GRID2: variants seen among roughly 807,000 people sequenced by gnomAD.
The protein encoded by GRID2 is glutamate receptor ionotropic, delta-2.
A neutral mutation model predicts 114.8 loss-of-function variants in GRID2; 33 were observed. The observed-to-expected ratio is 0.29, with a 90% confidence interval of 0.22 to 0.38. The LOEUF (loss-of-function observed/expected upper bound fraction) is 0.38, where lower values mean the gene tolerates loss of function less well. Ranked by LOEUF, GRID2 falls within the 10% of genes least tolerant of loss-of-function variation. GRID2 has a pLI of 1.00. For missense variants in GRID2, 1,184 were observed against 1,257.7 expected (o/e 0.94, Z 0.89); for synonymous variants, 505 against 449.9 (o/e 1.12, Z -1.55).
At chr4:92,404,059 G>A (rs1730919645) in intron 1 of GRID2, among the ~76,000 whole-genome samples, 2 of 152,100 alleles carry the variant, frequency 1.3e-5, no homozygotes, top group South Asian at 2.1e-4. Context: ...AAAACGTGAC[G>A]CAGAGACATG....
rs533698698 is a variant in GRID2, at chr4:93,059,871, A to G, written c.245-25124A>G. Among the ~76,000 whole-genome samples the G allele has an allele frequency of 2.6e-5, 4 of 152,150 alleles. No individual in the cohort carries two copies. The South Asian group carries it at 6.2e-4, about 24-fold the overall frequency. On this transcript the variant is annotated intron_variant, in intron 2 of 15. Transcript: ENST00000282020. Reference sequence around the variant, plus strand: ...AACTATCACCTTATTACTGGATAAAACAAGGTCATTAAATATATAATCCTG... The same window carrying G: ...AACTATCACCTTATTACTGGATAAAGCAAGGTCATTAAATATATAATCCTG...
chr4:93,663,013 G>A (rs2149739923), intron 14 of GRID2, among the ~76,000 whole-genome samples: 1 of 152,262 alleles, frequency 6.6e-6, no homozygotes, highest in Non-Finnish European at 1.5e-5. Flanking sequence ...CAGGTATCAA[G>A]CGAACTCATT....
chr4:93,568,316 T>TGAG (rs973182572), intron 13 of GRID2, among the ~76,000 whole-genome samples: 1 of 152,194 alleles, frequency 6.6e-6, no homozygotes, highest in Non-Finnish European at 1.5e-5. Flanking sequence ...ATTTTCCCCC[T>TGAG]GAGGAGTTCC....
chr4:93,731,686 A>G (rs1266730876), intron 14 of GRID2, among the ~76,000 whole-genome samples: 3 of 152,214 alleles, frequency 2.0e-5, no homozygotes, highest in Non-Finnish European at 4.4e-5. Context: ...TGATGTCACC[A>G]CAGAGCTTGT....
intron 2 of GRID2, among the ~76,000 whole-genome samples, chr4:92,698,861 G>C (rs867500230): frequency 6.6e-6 from 1 of 152,004 alleles, no homozygotes; most frequent in Non-Finnish European, 1.5e-5. Flanking sequence ...TTGTCCCGAC[G>C]CAAAATTGCA....
chr4:92,771,206 C>A (rs76256149), intron 2 of GRID2, among the ~76,000 whole-genome samples: 3,443 of 152,188 alleles, frequency 0.023, 96 homozygotes, highest in East Asian at 0.12. Context: ...TTTTGAGAAA[C>A]CTTCTCCAAA....
chr4:93,171,183 T>C (rs1738784118), intron 4 of GRID2, among the ~76,000 whole-genome samples: 1 of 152,196 alleles, frequency 6.6e-6, no homozygotes, highest in Admixed American at 6.5e-5. Context: ...ACCTTTCTGA[T>C]CTTTTAACAT....
intron 13 of GRID2, among the ~76,000 whole-genome samples, chr4:93,572,366 C>T (rs907474547): frequency 2.3e-4 from 35 of 152,174 alleles, no homozygotes; most frequent in African/African-American, 7.2e-4. Flanking sequence ...GTATTTTGCA[C>T]GATATGCTTT....
At chr4:93,193,210 C>A (rs1327802316) in intron 4 of GRID2, among the ~76,000 whole-genome samples, 4 of 152,082 alleles carry the variant, frequency 2.6e-5, no homozygotes, top group Non-Finnish European at 5.9e-5. Flanking sequence ...ACAAGTAGCT[C>A]CCAGAATTAC....
intron 4 of GRID2, among the ~76,000 whole-genome samples, chr4:93,141,261 T>C (rs1052015128): frequency 1.3e-5 from 2 of 152,212 alleles, no homozygotes; most frequent in Non-Finnish European, 2.9e-5. Context: ...GATTTAAAAT[T>C]ACATATGTAG....
At chr4:92,481,056 C>G (rs1419007113) in intron 1 of GRID2, among the ~76,000 whole-genome samples, 1 of 152,088 alleles carries the variant, frequency 6.6e-6, no homozygotes, top group Non-Finnish European at 1.5e-5. Context: ...GAAATCACCT[C>G]TCAATAGAGT....
chr4:93,177,695 T>C (rs1006760450), intron 4 of GRID2, among the ~76,000 whole-genome samples: 1 of 152,164 alleles, frequency 6.6e-6, no homozygotes, highest in Non-Finnish European at 1.5e-5. Flanking sequence ...AGCAGGTACA[T>C]AGAATCTGTC....
At chr4:93,322,034 A>ATTTGTTTTTT (rs1757275552) in intron 8 of GRID2, among the ~76,000 whole-genome samples, 1 of 148,024 alleles carries the variant, frequency 6.8e-6, no homozygotes, top group Admixed American at 6.7e-5. Flanking sequence ...ATTTTTTCTT[A>ATTTGTTTTTT]TTTCTTTTTT....
intron 14 of GRID2, among the ~76,000 whole-genome samples, chr4:93,708,156 C>A (rs1031838296): frequency 1.1e-4 from 17 of 151,916 alleles, no homozygotes; most frequent in African/African-American, 4.1e-4. Flanking sequence ...AATGTATATT[C>A]TTTAGCCATT....
intron 2 of GRID2, among the ~76,000 whole-genome samples, chr4:92,799,569 G>C (rs573077435): frequency 1.3e-5 from 2 of 151,830 alleles, no homozygotes; most frequent in Non-Finnish European, 2.9e-5. Flanking sequence ...TTTTTTCTTC[G>C]TGTGCACATC....
chr4:92,564,775 T>TA (rs1336052373), intron 1 of GRID2, among the ~76,000 whole-genome samples: 2 of 152,018 alleles, frequency 1.3e-5, no homozygotes, highest in African/African-American at 4.8e-5. Context: ...ATGTTGAAAT[T>TA]AAAAATAATA....
At chr4:93,629,991 A>C (rs1284662780) in intron 14 of GRID2, among the ~76,000 whole-genome samples, 3 of 152,170 alleles carry the variant, frequency 2.0e-5, no homozygotes, top group Non-Finnish European at 4.4e-5. Flanking sequence ...ACAAGCATCA[A>C]ATTCAGGTTC....
At chr4:93,652,061 G>T (rs1173790624) in intron 14 of GRID2, among the ~76,000 whole-genome samples, 1 of 152,130 alleles carries the variant, frequency 6.6e-6, no homozygotes, top group African/African-American at 2.4e-5. Context: ...AATGTTATGG[G>T]CTAAATTTTG....
At chr4:93,102,721 A>G (rs1366630661) in intron 3 of GRID2, among the ~76,000 whole-genome samples, 3 of 151,590 alleles carry the variant, frequency 2.0e-5, no homozygotes, top group Non-Finnish European at 4.4e-5. Flanking sequence ...AGGAAAAGAA[A>G]TATTGGGAAG....
Sources: gnomAD v4.1 joint callset for allele counts (sites outside exome capture counted in the v4.1 genomes callset) on GRCh38, gnomAD v4.1.1 for gene constraint, MANE v1.5 for transcripts, NCBI Gene and HGNC (gene_info 2026-07-23, HGNC 2026-07-21) for gene names.